Variants in ARHGEF28 observed in about 807,000 individuals in gnomAD.
The protein encoded by ARHGEF28 is Rho guanine nucleotide exchange factor 28, also known as 190 kDa guanine nucleotide exchange factor.
In ARHGEF28, 152 loss-of-function variants were observed where a neutral mutation model predicts 206.6. That is an observed-to-expected ratio of 0.74 (90% CI 0.64 to 0.84). The LOEUF (loss-of-function observed/expected upper bound fraction) is 0.84. Among genes scored for constraint, ARHGEF28 ranks in the 40% least tolerant of loss-of-function variants. The pLI, the probability that ARHGEF28 is intolerant of heterozygous loss-of-function variation, is 0.00. For synonymous variants in ARHGEF28, 763 were observed against 776.4 expected, an observed-to-expected ratio of 0.98 and a Z score of 0.29; for missense variants, 2,028 against 2,073.2, an observed-to-expected ratio of 0.98 and a Z score of 0.42.
chr5:73,876,419 T>C (rs1175057956), intron 22 of ARHGEF28, among the ~76,000 whole-genome samples: 2 of 115,686 alleles, frequency 1.7e-5, no homozygotes, highest in South Asian at 2.8e-4. Flanking sequence ...TATTTCCTTC[T>C]CCTGCCTAAT....
At chr5:73,829,437 G>A (rs1440260248) in intron 9 of ARHGEF28, among the ~76,000 whole-genome samples, 3 of 152,134 alleles carry the variant, frequency 2.0e-5, no homozygotes, top group East Asian at 3.9e-4. Context: ...CTGGAGTGCA[G>A]TGGCGCAATC....
At chr5:73,665,538 A>G (rs1375765460) in intron 1 of ARHGEF28, among the ~76,000 whole-genome samples, 2 of 152,116 alleles carry the variant, frequency 1.3e-5, no homozygotes, top group Non-Finnish European at 2.9e-5. Context: ...AGTAACACAG[A>G]TGGGGTAATT....
intron 35 of ARHGEF28, among the ~76,000 whole-genome samples, chr5:73,940,162 C>T (rs189583814): frequency 6.6e-6 from 1 of 152,230 alleles, no homozygotes. Context: ...TTTTGTCTCT[C>T]CTTGAAAATA....
At chr5:73,633,570 ATTTT>A (rs764440038) in intron 1 of ARHGEF28, among the ~76,000 whole-genome samples, 3 of 101,060 alleles carry the variant, frequency 3.0e-5, no homozygotes, top group Non-Finnish European at 5.6e-5. Flanking sequence ...AATACCTTTA[ATTTT>A]TTTTTTTTTT....
chr5:73,781,839 A>G (rs1753864006), intron 7 of ARHGEF28, among the ~76,000 whole-genome samples: 1 of 152,172 alleles, frequency 6.6e-6, no homozygotes, highest in South Asian at 2.1e-4. Context: ...AGATAAGGTT[A>G]TATGTATCTA....
At chr5:73,806,458 T>C (rs1190215380) in intron 9 of ARHGEF28, among the ~76,000 whole-genome samples, 1 of 128,052 alleles carries the variant, frequency 7.8e-6, no homozygotes, top group African/African-American at 3.2e-5. Context: ...TATCTATATA[T>C]AGTATGTATA....
chr5:73,815,582 G>A (rs61117684), intron 9 of ARHGEF28, among the ~76,000 whole-genome samples: 11,637 of 152,134 alleles, frequency 0.076, 775 homozygotes, highest in African/African-American at 0.17. Flanking sequence ...GTTGTAATCT[G>A]CTTTATTTAG....
chr5:73,722,496 T>A (rs1441157780), intron 2 of ARHGEF28, among the ~76,000 whole-genome samples: 3 of 152,258 alleles, frequency 2.0e-5, no homozygotes, highest in Admixed American at 6.5e-5. Context: ...CACATTACCA[T>A]TTGTCTCTCA....
At chr5:73,663,849 T>A (rs1460610730) in intron 1 of ARHGEF28, among the ~76,000 whole-genome samples, 1 of 152,270 alleles carries the variant, frequency 6.6e-6, no homozygotes, top group Non-Finnish European at 1.5e-5. Flanking sequence ...GTTTTGTATG[T>A]GAGAGAAATT....
chr5:73,813,938 T>TA (rs1306246917), intron 9 of ARHGEF28, among the ~76,000 whole-genome samples: 2 of 151,770 alleles, frequency 1.3e-5, no homozygotes, highest in African/African-American at 4.8e-5. Flanking sequence ...GAAGGGAGTT[T>TA]AGTATAAGGT....
At position 73,773,936 on chromosome 5, in the gene ARHGEF28, CG is replaced by C; in HGVS notation, c.563del (p.Gly188GlufsTer16). 6.2e-7 allele frequency: 1 copy of C among 1,607,464 alleles called. No homozygotes were observed. Among genetic ancestry groups the C allele is most frequent in the Admixed American group, 1.7e-5 (1 of 59,176 alleles). Reference sequence around the variant, plus strand: ...CTTTCCCAGTTCTTCTTGTGTCTCCCGGGGGGAGTCCAGGCCTTGGCTTTAC... The same window carrying C: ...CTTTCCCAGTTCTTCTTGTGTCTCCCGGGGGAGTCCAGGCCTTGGCTTTAC... ...AKLSQFFLCL[P>X]GGVQALALPN... On this transcript the variant is annotated frameshift_variant, in exon 5 of 36. Coordinates refer to ENST00000513042, the MANE Select transcript of ARHGEF28 (RefSeq NM_001177693.2). LOFTEE classifies it high-confidence loss of function.
intron 4 of ARHGEF28, among the ~76,000 whole-genome samples, chr5:73,755,292 C>T (rs6870243): frequency 0.2 from 30,670 of 151,882 alleles, 3,495 homozygotes; most frequent in Non-Finnish European, 0.26. Context: ...AGATTTCTAA[C>T]TATAATATTG....
chr5:73,707,513 G>A lies in ARHGEF28; in HGVS notation c.33+22629G>A, dbSNP rs1580509328. On this transcript the variant is annotated intron_variant, in intron 2 of 35. Coordinates refer to ENST00000513042, the MANE Select transcript of ARHGEF28 (RefSeq NM_001177693.2). ...GTTCCAAAGAGCAGGCCTATAAATG[G>A]TCTTTTAGTACTGAATCTGAGCAGA... 3.3e-5 allele frequency among the ~76,000 whole-genome samples: 5 copies of A among 152,246 alleles called. No individual in the cohort carries two copies. In the South Asian group the frequency reaches 8.3e-4, roughly 25 times the overall value.
At chr5:73,838,094 TGTGAAGCCAAAAAGAAAAAAAA>T in intron 10 of ARHGEF28, among the ~76,000 whole-genome samples, 1 of 152,086 alleles carries the variant, frequency 6.6e-6, no homozygotes, top group East Asian at 1.9e-4. Context: ...GCTTTAATGA[TGTGAAGCCAAAAAGAAAAAAAA>T]GTGAAGCATG....
intron 11 of ARHGEF28, among the ~76,000 whole-genome samples, chr5:73,845,470 G>A (rs953573404): frequency 1.3e-5 from 2 of 152,004 alleles, no homozygotes; most frequent in African/African-American, 2.4e-5. Flanking sequence ...CTGCCCTCCC[G>A]AGCTTCCCAG....
intron 11 of ARHGEF28, among the ~76,000 whole-genome samples, chr5:73,841,620 G>A (rs942940103): frequency 3.3e-5 from 5 of 151,166 alleles, no homozygotes; most frequent in African/African-American, 1.2e-4. Context: ...TGGGAGGATC[G>A]CTTGAACCTG....
intron 1 of ARHGEF28, among the ~76,000 whole-genome samples, chr5:73,663,210 C>T (rs1745726352): frequency 1.3e-5 from 2 of 152,186 alleles, no homozygotes; most frequent in South Asian, 4.1e-4. Flanking sequence ...CCCACCTCGG[C>T]CTCCCAAAGT....
At chr5:73,782,066 C>T (rs1753878853) in intron 7 of ARHGEF28, among the ~76,000 whole-genome samples, 1 of 150,066 alleles carries the variant, frequency 6.7e-6, no homozygotes, top group African/African-American at 2.5e-5. Flanking sequence ...ACTGGCCTCA[C>T]AGAAGAGTTG....
chr5:73,632,002 A>G (rs747681200), intron 1 of ARHGEF28, among the ~76,000 whole-genome samples: 2 of 152,190 alleles, frequency 1.3e-5, no homozygotes, highest in Non-Finnish European at 2.9e-5. Flanking sequence ...TCAACTTTAC[A>G]TCGTGACTGT....
Sources: gnomAD v4.1 joint callset for allele counts (sites outside exome capture counted in the v4.1 genomes callset) on GRCh38, gnomAD v4.1.1 for gene constraint, MANE v1.5 for transcripts, NCBI Gene and HGNC (gene_info 2026-07-23, HGNC 2026-07-21) for gene names.